The following PCDH15 variants were observed in gnomAD, a reference collection of about 807,000 sequenced individuals.
PCDH15 encodes protocadherin related 15, also known as protocadherin-15.
PCDH15 carries 129 observed loss-of-function variants against 178.5 expected under a neutral mutation model. That is an observed-to-expected ratio of 0.72 (90% confidence interval 0.63 to 0.84). The LOEUF is 0.84. Among genes scored for constraint, PCDH15 ranks in the 40% least tolerant of loss-of-function variants. PCDH15 has a pLI of 0.00. For missense variants in PCDH15, 2,230 were observed against 2,099.9 expected (o/e 1.06, Z -1.21); for synonymous variants, 800 against 732.0 (o/e 1.09, Z -1.50).
chr10:54,598,004 C>A (rs998988994), intron 2 of PCDH15, among the ~76,000 whole-genome samples: 1 of 152,010 alleles, frequency 6.6e-6, no homozygotes, highest in African/African-American at 2.4e-5. Context: ...AGCCTGCAAA[C>A]CAAAAACAGC....
chr10:54,680,664 T>C lies in PCDH15; in HGVS notation c.-28-16374A>G, dbSNP rs765951940. On this transcript the variant is annotated intron_variant, in intron 1 of 37. Transcript: ENST00000644397. ...ATTTTCCCCCATACTGTTCTTGTGA[T>C]AGTGAATAAGTCTCATGAGATCTGG... is the stretch of plus-strand genomic sequence containing the variant. 3.9e-4 allele frequency among the ~76,000 whole-genome samples: 60 copies of C among 152,230 alleles called. 2 individuals carry two copies. The Middle Eastern group carries it at 0.02, about 52-fold the overall frequency.
At chr10:54,832,544 T>C (rs542887299) in intron 3 of PCDH15, among the ~76,000 whole-genome samples, 19 of 152,268 alleles carry the variant, frequency 1.2e-4, no homozygotes, top group African/African-American at 3.8e-4. Context: ...GTGCATACCA[T>C]AGTGAAGATC....
intron 7 of PCDH15, among the ~76,000 whole-genome samples, chr10:54,324,974 A>T (rs2061847568): frequency 6.6e-6 from 1 of 152,084 alleles, no homozygotes; most frequent in South Asian, 2.1e-4. Flanking sequence ...GGTTATAATA[A>T]TATGTAGTAA....
At chr10:53,853,185 A>T (rs947626580) in intron 28 of PCDH15, among the ~76,000 whole-genome samples, 4 of 151,984 alleles carry the variant, frequency 2.6e-5, no homozygotes, top group Non-Finnish European at 5.9e-5. Flanking sequence ...TTTCTTAAAC[A>T]ACTAGTATTG....
At chr10:53,870,716 C>T (rs2079777376) in intron 26 of PCDH15, among the ~76,000 whole-genome samples, 1 of 152,090 alleles carries the variant, frequency 6.6e-6, no homozygotes, top group South Asian at 2.1e-4. Context: ...AATCCGAAAC[C>T]TCTCCTCTAA....
At chr10:54,463,550 C>T (rs1163313970) in intron 3 of PCDH15, among the ~76,000 whole-genome samples, 2 of 152,090 alleles carry the variant, frequency 1.3e-5, no homozygotes, top group African/African-American at 4.8e-5. Context: ...TGCCAGGAAG[C>T]GTTTCACCAT....
At chr10:54,046,761 T>C (rs1231056355) in intron 18 of PCDH15, among the ~76,000 whole-genome samples, 1 of 152,176 alleles carries the variant, frequency 6.6e-6, no homozygotes, top group Admixed American at 6.6e-5. Context: ...TATAATAATA[T>C]ACTAAACTGT....
Position 54,277,147 on chromosome 10 carries a change from G to T in PCDH15, c.876+40124C>A, listed in dbSNP as rs549545909. Among the ~76,000 whole-genome samples the T allele has an allele frequency of 1.5e-4, 22 of 151,646 alleles. No individual in the cohort carries two copies. In the South Asian group the frequency reaches 3.9e-3, roughly 27 times the overall value. Reference sequence around the variant, plus strand: ...AGAGAAAAATACCCTAACTGATCTGGAAGTGGAAGATTTAAGTTAAATAAC... The same window carrying T: ...AGAGAAAAATACCCTAACTGATCTGTAAGTGGAAGATTTAAGTTAAATAAC... On this transcript the variant is annotated intron_variant, in intron 8 of 37. Coordinates refer to ENST00000644397, the MANE Select transcript of PCDH15 (RefSeq NM_001384140.1).
At chr10:54,300,657 G>T (rs1334023874) in intron 8 of PCDH15, among the ~76,000 whole-genome samples, 2 of 152,124 alleles carry the variant, frequency 1.3e-5, no homozygotes, top group Non-Finnish European at 2.9e-5. Context: ...GTCGGATGGG[G>T]GCTTGGAGAA....
intron 2 of PCDH15, among the ~76,000 whole-genome samples, chr10:55,516,884 G>A (rs1040322025): frequency 1.3e-5 from 2 of 151,914 alleles, no homozygotes; most frequent in African/African-American, 4.8e-5. Flanking sequence ...CTGCTCCTCT[G>A]TAATTTTATA....
At chr10:54,753,636 T>C (rs1946636558) in intron 1 of PCDH15, among the ~76,000 whole-genome samples, 1 of 152,184 alleles carries the variant, frequency 6.6e-6, no homozygotes, top group Admixed American at 6.5e-5. Flanking sequence ...TCCCACTATA[T>C]TGTTGTAAGT....
At chr10:55,045,515 G>A (rs1325391717) in intron 2 of PCDH15, among the ~76,000 whole-genome samples, 1 of 152,018 alleles carries the variant, frequency 6.6e-6, no homozygotes, top group Non-Finnish European at 1.5e-5. Context: ...ACACAATCAT[G>A]ACATACCTTT....
At chr10:54,127,210 A>G (rs1041707508) in intron 15 of PCDH15, among the ~76,000 whole-genome samples, 6 of 152,184 alleles carry the variant, frequency 3.9e-5, no homozygotes, top group Admixed American at 3.9e-4. Context: ...AAAGGAACAC[A>G]TTAAGTGCAA....
chr10:55,192,721 ATCTCTC>A (rs142101115), intron 1 of PCDH15, among the ~76,000 whole-genome samples: 12 of 146,242 alleles, frequency 8.2e-5, no homozygotes, highest in East Asian at 2.0e-4. Context: ...AGATGAAAGA[ATCTCTC>A]TCTCTCTCTC....
intron 2 of PCDH15, chr10:55,468,338 A>G (rs1419690927): frequency 6.6e-6 from 1 of 152,148 alleles, no homozygotes. Context: ...GAACACTTTG[A>G]TTTCTTTTCA....
At chr10:55,033,044 TCA>T (rs1032797168) in intron 2 of PCDH15, among the ~76,000 whole-genome samples, 2 of 152,076 alleles carry the variant, frequency 1.3e-5, no homozygotes, top group African/African-American at 4.8e-5. Flanking sequence ...TGCTAAATCT[TCA>T]GTCAAGCAGA....
intron 3 of PCDH15, among the ~76,000 whole-genome samples, chr10:54,426,765 T>C (rs1188675894): frequency 2.6e-5 from 4 of 152,184 alleles, no homozygotes; most frequent in Non-Finnish European, 5.9e-5. Context: ...CCCTGGAAGA[T>C]AGCAACTTTA....
chr10:55,599,983 G>A, intron 2 of PCDH15: 2 of 1,457,196 alleles, frequency 1.4e-6, no homozygotes, highest in Non-Finnish European at 1.8e-6. Flanking sequence ...AAATAAATAG[G>A]AGAAGACCCT....
At chr10:55,562,371 A>G (rs138660184) in intron 2 of PCDH15, among the ~76,000 whole-genome samples, 4 of 152,120 alleles carry the variant, frequency 2.6e-5, no homozygotes, top group African/African-American at 9.6e-5. Flanking sequence ...TATTTGATAT[A>G]AAAACTTGTA....
Sources: gnomAD v4.1 joint callset for allele counts (sites outside exome capture counted in the v4.1 genomes callset) on GRCh38, gnomAD v4.1.1 for gene constraint, MANE v1.5 for transcripts, NCBI Gene and HGNC (gene_info 2026-07-23, HGNC 2026-07-21) for gene names.